PIP5K1B: variants seen among roughly 807,000 people sequenced by gnomAD.
PIP5K1B encodes the protein phosphatidylinositol 4-phosphate 5-kinase type-1 beta.
Under a neutral mutation model 67.0 loss-of-function variants are expected in PIP5K1B, and 42 were observed. The ratio of observed to expected loss-of-function variants is 0.63; its 90% CI spans 0.49 to 0.81. PIP5K1B has a LOEUF of 0.81. Ranked by LOEUF, PIP5K1B falls within the 30% of genes least tolerant of loss-of-function variation. The pLI, the probability that PIP5K1B is intolerant of heterozygous loss-of-function variation, is 0.00. For missense variants in PIP5K1B, 459 were observed against 646.3 expected, an observed-to-expected ratio of 0.71 and a Z score of 3.14; for synonymous variants, 214 against 231.4, an observed-to-expected ratio of 0.92 and a Z score of 0.68.
intron 2 of PIP5K1B, among the ~76,000 whole-genome samples, chr9:68,750,530 G>A (rs1179568224): frequency 6.6e-6 from 1 of 152,206 alleles, no homozygotes; most frequent in East Asian, 1.9e-4. Context: ...AGGTTTTGGT[G>A]AAATGTTAGA....
At chr9:68,893,333 CTTTTTTT>C (rs397792694) in intron 7 of PIP5K1B, among the ~76,000 whole-genome samples, 1 of 110,954 alleles carries the variant, frequency 9.0e-6, no homozygotes. Context: ...TATTTTTTTT[CTTTTTTT>C]TTTTTTTTTT....
At chr9:68,813,018 A>G (rs1833252818) in intron 2 of PIP5K1B, among the ~76,000 whole-genome samples, 2 of 152,230 alleles carry the variant, frequency 1.3e-5, no homozygotes, top group African/African-American at 4.8e-5. Context: ...CTACTCATCT[A>G]CAAAGTGGGA....
intron 4 of PIP5K1B, among the ~76,000 whole-genome samples, chr9:68,838,538 G>A (rs1235219692): frequency 6.6e-6 from 1 of 152,048 alleles, no homozygotes; most frequent in African/African-American, 2.4e-5. Context: ...ATTATTTTCT[G>A]CATTAAGAAA....
At chr9:68,793,052 A>G (rs151056463) in intron 2 of PIP5K1B, among the ~76,000 whole-genome samples, 1,305 of 88,318 alleles carry the variant, frequency 0.015, 15 homozygotes, top group African/African-American at 0.041. Context: ...GTAAATTACT[A>G]TGTAAATTTA....
intron 15 of PIP5K1B, among the ~76,000 whole-genome samples, chr9:68,995,872 C>T (rs60528786): frequency 0.027 from 4,051 of 151,782 alleles, 258 homozygotes; most frequent in East Asian, 0.2. Context: ...ACCAATCTTG[C>T]CTTTGCATTG....
chr9:68,909,837 G>C (rs1161748381), intron 8 of PIP5K1B, among the ~76,000 whole-genome samples: 2 of 152,184 alleles, frequency 1.3e-5, no homozygotes, highest in Non-Finnish European at 1.5e-5. Flanking sequence ...CCACTGATTA[G>C]ACTCATTCAT....
chr9:68,867,092 T>C (rs1019005210), intron 5 of PIP5K1B, among the ~76,000 whole-genome samples: 4 of 152,180 alleles, frequency 2.6e-5, no homozygotes, highest in African/African-American at 9.7e-5. Flanking sequence ...TTTCTATTCA[T>C]TCAAGCAACC....
At chr9:68,882,583 A>G (rs1414948) in intron 6 of PIP5K1B, among the ~76,000 whole-genome samples, 2,405 of 152,208 alleles carry the variant, frequency 0.016, 57 homozygotes, top group African/African-American at 0.052. Flanking sequence ...TTCAGGTCTG[A>G]ATCCAGTTTT....
chr9:68,766,254 T>C (rs910425159), intron 2 of PIP5K1B, among the ~76,000 whole-genome samples: 1 of 152,180 alleles, frequency 6.6e-6, no homozygotes, highest in Non-Finnish European at 1.5e-5. Context: ...TTTACTTTGT[T>C]TTTTGCTGCT....
intron 1 of PIP5K1B, among the ~76,000 whole-genome samples, chr9:68,714,055 A>G (rs543151981): frequency 5.3e-5 from 8 of 152,340 alleles, no homozygotes; most frequent in African/African-American, 1.7e-4. Flanking sequence ...ATGGTGTAGC[A>G]CCTCAAAGTA....
At chr9:68,951,066 G>A (rs1187544211) in intron 14 of PIP5K1B, among the ~76,000 whole-genome samples, 3 of 152,170 alleles carry the variant, frequency 2.0e-5, no homozygotes, top group Admixed American at 2.0e-4. Context: ...GAGGGAACTA[G>A]GAGACAATGT....
At chr9:68,724,179 G>A (rs541026398) in intron 1 of PIP5K1B, among the ~76,000 whole-genome samples, 23 of 151,152 alleles carry the variant, frequency 1.5e-4, no homozygotes, top group African/African-American at 5.3e-4. Flanking sequence ...TGGGTTGGCT[G>A]CAAGTGTGTG....
intron 14 of PIP5K1B, among the ~76,000 whole-genome samples, chr9:68,955,468 G>A (rs1296116124): frequency 6.6e-6 from 1 of 152,228 alleles, no homozygotes; most frequent in East Asian, 1.9e-4. Flanking sequence ...CTGTGGTTAA[G>A]ACAGATTTAA....
intron 5 of PIP5K1B, among the ~76,000 whole-genome samples, chr9:68,873,303 T>A: frequency 1.1e-5 from 1 of 89,736 alleles, no homozygotes; most frequent in African/African-American, 4.5e-5. Context: ...TTTTTTTTTG[T>A]CTGAGACAGG....
intron 1 of PIP5K1B, among the ~76,000 whole-genome samples, chr9:68,709,153 T>C (rs1564080528): frequency 6.6e-6 from 1 of 152,234 alleles, no homozygotes; most frequent in African/African-American, 2.4e-5. Context: ...ATTAGAGAGT[T>C]AGTACATTTG....
At chr9:68,884,076 G>A (rs539518454) in intron 6 of PIP5K1B, among the ~76,000 whole-genome samples, 4 of 152,104 alleles carry the variant, frequency 2.6e-5, no homozygotes, top group African/African-American at 7.2e-5. Flanking sequence ...GGAAAATTGC[G>A]CAGTATTGAT....
Position 69,007,693 on chromosome 9 carries a change from T to C in PIP5K1B, c.1621-754T>C, listed in dbSNP as rs1587799073. ...TAACACAGTGAAACCCCATCTCTAC[T>C]AAAAATACAAAAAATTAGCCAGGCG... On this transcript the variant is annotated intron_variant, in intron 15 of 15. Transcript: ENST00000265382. 2.0e-5 allele frequency among the ~76,000 whole-genome samples: 3 copies of C among 152,108 alleles called. No individual in the cohort carries two copies. The South Asian group carries it at 6.2e-4, about 32-fold the overall frequency.
chr9:68,727,446 A>G (rs1257541089), intron 1 of PIP5K1B: 1 of 152,196 alleles, frequency 6.6e-6, no homozygotes, highest in Non-Finnish European at 1.5e-5. Context: ...AAGTAATTAT[A>G]ATAGGTAGAG....
intron 8 of PIP5K1B, among the ~76,000 whole-genome samples, chr9:68,904,519 T>C (rs1400376889): frequency 6.6e-6 from 1 of 152,250 alleles, no homozygotes; most frequent in Non-Finnish European, 1.5e-5. Context: ...ATGAAAAGCA[T>C]AATCAAGCCC....
Sources: gnomAD v4.1 joint callset for allele counts (sites outside exome capture counted in the v4.1 genomes callset) on GRCh38, gnomAD v4.1.1 for gene constraint, MANE v1.5 for transcripts, NCBI Gene and HGNC (gene_info 2026-07-23, HGNC 2026-07-21) for gene names.